Variants in SDK1 observed in about 807,000 individuals in gnomAD.
SDK1 encodes sidekick cell adhesion molecule 1, also known as protein sidekick-1.
SDK1 carries 157 observed loss-of-function variants against 245.5 expected under a neutral mutation model. The ratio of observed to expected loss-of-function variants is 0.64; its 90% CI spans 0.56 to 0.73. The LOEUF (loss-of-function observed/expected upper bound fraction) is 0.73, where lower values mean the gene tolerates loss of function less well. Ranked by LOEUF, SDK1 falls within the 30% of genes least tolerant of loss-of-function variation. The pLI, the probability that SDK1 is intolerant of heterozygous loss-of-function variation, is 0.00. For missense variants in SDK1, 3,583 were observed against 3,002.3 expected (o/e 1.19, Z -4.52); for synonymous variants, 1,647 against 1,278.5 (o/e 1.29, Z -6.15).
At chr7:3,693,207 A>G (rs1252750093) in intron 4 of SDK1, among the ~76,000 whole-genome samples, 1 of 152,134 alleles carries the variant, frequency 6.6e-6, no homozygotes, top group Non-Finnish European at 1.5e-5. Context: ...GTGTGGTTAT[A>G]TAAACACCAA....
At chr7:3,878,769 T>C (rs1360404884) in intron 5 of SDK1, among the ~76,000 whole-genome samples, 1 of 152,098 alleles carries the variant, frequency 6.6e-6, no homozygotes, top group Non-Finnish European at 1.5e-5. Flanking sequence ...CAAATAATCA[T>C]CTTTTTTTTA....
intron 1 of SDK1, among the ~76,000 whole-genome samples, chr7:3,521,197 G>C (rs1200134618): frequency 6.6e-6 from 1 of 152,178 alleles, no homozygotes; most frequent in Non-Finnish European, 1.5e-5. Context: ...TGTCCAGCAA[G>C]AGCAGCTTGA....
chr7:3,374,471 T>C (rs889174432), intron 1 of SDK1, among the ~76,000 whole-genome samples: 7 of 152,182 alleles, frequency 4.6e-5, no homozygotes, highest in Non-Finnish European at 8.8e-5. Context: ...GTCACAGACC[T>C]GGCAGCAGTG....
chr7:3,905,164 A>C (rs182718766), intron 5 of SDK1, among the ~76,000 whole-genome samples: 5 of 152,028 alleles, frequency 3.3e-5, no homozygotes, highest in East Asian at 3.9e-4. Flanking sequence ...ACATCAGTTC[A>C]TAGATAACTT....
chr7:3,991,228 C>T (rs954121964), intron 14 of SDK1, among the ~76,000 whole-genome samples: 1 of 152,166 alleles, frequency 6.6e-6, no homozygotes, highest in Non-Finnish European at 1.5e-5. Context: ...AGTGCCAGGC[C>T]CCCAGGCTCA....
In SDK1 at chr7:4,104,440, G is replaced by T. The variant is rs1045321283; in HGVS notation, c.3325-6223G>T. On this transcript the variant is annotated intron_variant, in intron 22 of 44. Coordinates refer to ENST00000404826, the MANE Select transcript of SDK1 (RefSeq NM_152744.4). ...TGTTTGACTTACTGTTTGTTGATTT[G>T]GCCCAGACTCTGTGAAGTTGGATGC... Among the ~76,000 whole-genome samples the T allele has an allele frequency of 2.0e-5, 3 of 152,304 alleles. 1 individual carries two copies. The South Asian group carries it at 6.2e-4, about 32-fold the overall frequency.
At chr7:4,086,890 G>C (rs564342578) in intron 22 of SDK1, among the ~76,000 whole-genome samples, 4 of 152,162 alleles carry the variant, frequency 2.6e-5, no homozygotes, top group African/African-American at 9.6e-5. Flanking sequence ...CTGTATCTTT[G>C]GGGGAGATTC....
intron 19 of SDK1, among the ~76,000 whole-genome samples, chr7:4,057,349 G>T (rs184900321): frequency 6.6e-6 from 1 of 152,224 alleles, no homozygotes; most frequent in East Asian, 1.9e-4. Context: ...ACTTCTCCTG[G>T]GGACCTGAAG....
intron 4 of SDK1, among the ~76,000 whole-genome samples, chr7:3,785,545 A>G (rs1332599147): frequency 2.0e-5 from 3 of 152,214 alleles, no homozygotes; most frequent in Non-Finnish European, 4.4e-5. Context: ...GGACATGTGA[A>G]AACAGAAGAC....
chr7:3,994,461 G>A (rs753218969), intron 14 of SDK1, among the ~76,000 whole-genome samples: 54 of 151,880 alleles, frequency 3.6e-4, no homozygotes, highest in Non-Finnish European at 6.6e-4. Context: ...GGGCAACATA[G>A]CAAGACCCCA....
chr7:3,809,735 T>A (rs929743423), intron 4 of SDK1, among the ~76,000 whole-genome samples: 9 of 152,144 alleles, frequency 5.9e-5, no homozygotes, highest in African/African-American at 1.9e-4. Flanking sequence ...CACGAAGACA[T>A]AATCCTCTGC....
chr7:4,232,791 T>G (rs1371325641), intron 40 of SDK1: 1 of 153,300 alleles, frequency 6.5e-6, no homozygotes, highest in African/African-American at 2.4e-5. Context: ...CAAATCTCAC[T>G]GATCACATTT....
At chr7:3,316,909 G>T (rs1779677635) in intron 1 of SDK1, among the ~76,000 whole-genome samples, 1 of 152,096 alleles carries the variant, frequency 6.6e-6, no homozygotes, top group South Asian at 2.1e-4. Flanking sequence ...TCTGGGTACT[G>T]TGGCTCATGC....
chr7:3,468,600 C>A (rs989931917), intron 1 of SDK1, among the ~76,000 whole-genome samples: 1 of 151,914 alleles, frequency 6.6e-6, no homozygotes, highest in African/African-American at 2.4e-5. Context: ...GTCATAACAC[C>A]CTCATTCCAG....
intron 5 of SDK1, among the ~76,000 whole-genome samples, chr7:3,947,852 G>A (rs942005047): frequency 1.3e-5 from 2 of 152,068 alleles, no homozygotes; most frequent in African/African-American, 4.8e-5. Context: ...CATAGCAATA[G>A]ATGCCTATAA....
intron 5 of SDK1, among the ~76,000 whole-genome samples, chr7:3,864,556 T>C (rs145428675): frequency 6.6e-6 from 1 of 152,180 alleles, no homozygotes; most frequent in East Asian, 1.9e-4. Context: ...AGAAAGTAGG[T>C]TTCCAGACAA....
chr7:4,105,285 G>A (rs564993322), intron 22 of SDK1, among the ~76,000 whole-genome samples: 13 of 151,770 alleles, frequency 8.6e-5, no homozygotes, highest in Admixed American at 8.5e-4. Context: ...GCCTGGCCAG[G>A]AGTTATATTT....
intron 27 of SDK1, 148 bp downstream of exon 27, chr7:4,130,245 A>G (rs956570268): frequency 1.2e-5 from 11 of 891,316 alleles, no homozygotes; most frequent in African/African-American, 3.4e-5. Context: ...ATTGTTTTTC[A>G]GTCACTGAGC....
chr7:3,307,314 A>G (rs2128542185), intron 1 of SDK1, among the ~76,000 whole-genome samples: 1 of 152,244 alleles, frequency 6.6e-6, no homozygotes, highest in South Asian at 2.1e-4. Context: ...GACAGCAAAT[A>G]TGGCACCTCC....
Sources: allele counts gnomAD v4.1 joint callset (sites outside exome capture counted in the v4.1 genomes callset), GRCh38; gene constraint gnomAD v4.1.1; transcripts MANE v1.5; gene names NCBI Gene and HGNC (gene_info 2026-07-23, HGNC 2026-07-21).